Variants in CYB561A3 observed in about 807,000 individuals in gnomAD.
CYB561A3 encodes lysosomal membrane ascorbate-dependent ferrireductase CYB561A3.
Under a neutral mutation model 25.3 loss-of-function variants are expected in CYB561A3, and 16 were observed. That is an observed-to-expected ratio of 0.63 (90% CI 0.43 to 0.96). The LOEUF (loss-of-function observed/expected upper bound fraction) is 0.96, where lower values mean the gene tolerates loss of function less well. CYB561A3 is among the 40% of genes least tolerant of loss of function. The probability of loss-of-function intolerance (pLI) is 0.00; values close to 1 mark genes in which losing one functional copy is unlikely to be tolerated. For missense variants in CYB561A3, 219 were observed against 307.5 expected (o/e 0.71, Z 2.15); for synonymous variants, 131 against 129.9 (o/e 1.01, Z -0.06).
intron 1 of CYB561A3, chr11:61,359,778 T>G (rs762350336): frequency 6.6e-6 from 1 of 152,350 alleles, no homozygotes; most frequent in Admixed American, 6.5e-5. Flanking sequence ...CCCAGCACTT[T>G]GGGAGGCCCA....
At position 61,356,580 on chromosome 11, in the gene CYB561A3, T is replaced by A. The variant is rs1857662020; in HGVS notation, c.134A>T (p.Asn45Ile). 1 of 1,614,034 alleles carries A rather than the reference T, an allele frequency of 6.2e-7. No individual in the cohort carries two copies. The highest frequency in any genetic ancestry group is 1.3e-5 in the African/African-American group (1 of 74,906). Residue 45 changes from asparagine to isoleucine, a missense_variant, in exon 3 of 7, where the codon AAC becomes ATC. Physicochemically the swap from Asn to Ile is moderately radical, Grantham distance 149. Transcript: ENST00000294072. Reference sequence around the variant, plus strand: ...AGCAACCATAAGCACTGGGTGCCAGTTGAACATGTAGATGCTGCCATTCCA... The same window carrying A: ...AGCAACCATAAGCACTGGGTGCCAGATGAACATGTAGATGCTGCCATTCCA... ...FAWNGSIYMF[N>I]WHPVLMVAGM...
intron 6 of CYB561A3, 99 bp downstream of exon 6, chr11:61,350,884 GCTGTGCCA>G (rs1183607719): frequency 6.9e-7 from 1 of 1,456,040 alleles, no homozygotes; most frequent in African/African-American, 1.4e-5. Context: ...TTGGTTTCCT[GCTGTGCCA>G]CAGGGTAAGT....
chr11:61,351,412 C>G (rs1857404785), intron 5 of CYB561A3: 1 of 254,144 alleles, frequency 3.9e-6, no homozygotes, highest in African/African-American at 2.3e-5. Flanking sequence ...GCCTCAGCCT[C>G]CCAAGTAGCT....
chr11:61,356,445 T>C, intron 3 of CYB561A3, 85 bp downstream of exon 3: 1 of 1,324,246 alleles, frequency 7.6e-7, no homozygotes, highest in Non-Finnish European at 1.0e-6. Context: ...AGCCCAACAT[T>C]TACAAAGGCC....
chr11:61,350,891 C>T, intron 6 of CYB561A3, 100 bp downstream of exon 6: 2 of 1,475,742 alleles, frequency 1.4e-6, no homozygotes. Context: ...CCTGCTGTGC[C>T]ACAGGGTAAG....
chr11:61,353,090 A>G lies in CYB561A3; in HGVS notation c.443T>C (p.Leu148Pro). ...GTGGATAGGTTTTAGGAGGCTGCGC[A>G]GCCACATGGACGCCCAGGGCAGGAG... ...VFLLPWASMWLRSLLKPIHVF... is the reference protein window; with the variant it reads ...VFLLPWASMWPRSLLKPIHVF... The change falls in exon 5 of 7, where the codon CTG becomes CCG. Residue 148 changes from leucine (L) to proline (P), a missense_variant. Physicochemically the swap from Leu to Pro is moderately conservative, Grantham distance 98. Coordinates refer to ENST00000294072, the MANE Select transcript of CYB561A3 (RefSeq NM_153611.6). The G allele has an allele frequency of 6.2e-7, 1 of 1,613,816 alleles. No homozygotes were observed. The highest frequency in any genetic ancestry group is 8.5e-7 in the Non-Finnish European group (1 of 1,179,918).
intron 6 of CYB561A3, chr11:61,350,736 C>G: frequency 1.7e-6 from 1 of 599,414 alleles, no homozygotes. Context: ...CCACACTTCA[C>G]CCCACAGAAC....
chr11:61,352,694 C>T (rs1042519251), intron 5 of CYB561A3: 2 of 751,660 alleles, frequency 2.7e-6, no homozygotes, highest in African/African-American at 3.7e-5. Flanking sequence ...GCAATGACAA[C>T]AATACCAATC....
Position 61,349,906 on chromosome 11 carries a change from C to A in CYB561A3, c.*493G>T. On this transcript the variant is annotated 3_prime_UTR_variant, in exon 7 of 7. Coordinates refer to ENST00000294072, the MANE Select transcript of CYB561A3 (RefSeq NM_153611.6). ...GGAAGTGGACGGACACCTCACCTCC[C>A]TCATGTTTCACACCGTGGACTGCAC... 1 of 519,198 alleles carries A rather than the reference C, an allele frequency of 1.9e-6. No individual in the cohort carries two copies. The highest frequency in any genetic ancestry group is 3.4e-5 in the East Asian group (1 of 29,176). The allele number at this position is 519,198 out of a possible 1,614,324, so 32.2% of individuals were successfully genotyped here. A position where few individuals can be genotyped will look rare whatever the true frequency, so the allele number is the denominator to read the frequency against.
intron 3 of CYB561A3, among the ~76,000 whole-genome samples, chr11:61,355,032 C>A (rs994576380): frequency 8.5e-5 from 13 of 152,072 alleles, no homozygotes; most frequent in Non-Finnish European, 1.6e-4. Flanking sequence ...CCATACCCGG[C>A]TAATTTTTTG....
intron 4 of CYB561A3, 97 bp from the exon 5 acceptor site, chr11:61,353,236 C>T (rs566318163): frequency 7.7e-6 from 11 of 1,436,586 alleles, no homozygotes; most frequent in Non-Finnish European, 1.0e-5. Context: ...CTCCCTGGCT[C>T]TTCTTTCACA....
In CYB561A3 at chr11:61,353,111, A is replaced by G. The variant is rs1276406975; in HGVS notation, c.422T>C (p.Leu141Pro). ...QWFLGFAVFL[L>P]PWASMWLRSL... ...GCGCAGCCACATGGACGCCCAGGGC[A>G]GGAGGAAGACAGCAAAGCCCAGGAA... Residue 141 changes from leucine (L) to proline (P), a missense_variant, in exon 5 of 7, where the codon CTG becomes CCG. Leu to Pro is a moderately conservative substitution (Grantham distance 98). Coordinates refer to ENST00000294072, the MANE Select transcript of CYB561A3 (RefSeq NM_153611.6). 1 of 1,612,368 alleles carries G rather than the reference A, an allele frequency of 6.2e-7. No individual in the cohort carries two copies. Among genetic ancestry groups the G allele is most frequent in the East Asian group, 2.2e-5 (1 of 44,886 alleles).
intron 3 of CYB561A3, among the ~76,000 whole-genome samples, chr11:61,355,549 C>T (rs1442352609): frequency 1.3e-5 from 2 of 151,902 alleles, no homozygotes; most frequent in Admixed American, 6.6e-5. Context: ...GGCATGATGG[C>T]GGGCACCTAT....
Position 61,351,139 on chromosome 11 carries a change from G to A in CYB561A3, c.557C>T (p.Thr186Ile), listed in dbSNP as rs927904541. The A allele has an allele frequency of 9.3e-6, 15 of 1,607,548 alleles. No individual in the cohort carries two copies. The highest frequency in any genetic ancestry group is 1.3e-5 in the Non-Finnish European group (15 of 1,177,840). Residue 186 changes from threonine to isoleucine, a missense_variant, in exon 6 of 7, where the codon ACC becomes ATC. By Grantham distance (89) the Thr-to-Ile change is moderately conservative. Coordinates refer to ENST00000294072, the MANE Select transcript of CYB561A3 (RefSeq NM_153611.6). ...GGGCAGGCTGTGGTATGGCCTGGTG[G>A]TGTTTTTCCTGAAGATGACAAAACA... is the stretch of plus-strand genomic sequence containing the variant. ...NEKLFFSLKN[T>I]TRPYHSLPSE...
intron 4 of CYB561A3, 128 bp downstream of exon 4, chr11:61,353,656 A>G: frequency 1.9e-6 from 2 of 1,048,198 alleles, no homozygotes; most frequent in Non-Finnish European, 2.9e-6. Context: ...TGTCAGTTCT[A>G]CAAGATAACA....
In CYB561A3 at chr11:61,349,915, C is replaced by T; in HGVS notation, c.*484G>A. On this transcript the variant is annotated 3_prime_UTR_variant, in exon 7 of 7. Transcript: ENST00000294072. Reference sequence around the variant, plus strand: ...CGGACACCTCACCTCCCTCATGTTTCACACCGTGGACTGCACTTGAGTCCC... The same window carrying T: ...CGGACACCTCACCTCCCTCATGTTTTACACCGTGGACTGCACTTGAGTCCC... 1 of 509,464 alleles carries T rather than the reference C, an allele frequency of 2.0e-6. No individual in the cohort carries two copies. The highest frequency in any genetic ancestry group is 1.9e-5 in the African/African-American group (1 of 52,040). The allele number at this position is 509,464 out of a possible 1,614,324, so 31.6% of individuals were successfully genotyped here. A position where few individuals can be genotyped will look rare whatever the true frequency, so the allele number is the denominator to read the frequency against.
Position 61,349,760 on chromosome 11 carries a change from C to T in CYB561A3, c.*639G>A. 3.0e-6 allele frequency: 2 copies of T among 658,026 alleles called. No individual in the cohort carries two copies. The highest frequency in any genetic ancestry group is 5.6e-6 in the Non-Finnish European group (2 of 358,612). 40.8% of individuals were successfully genotyped at this position (658,026 alleles called of 1,614,324 possible). On this transcript the variant is annotated 3_prime_UTR_variant, in exon 7 of 7. Coordinates refer to ENST00000294072, the MANE Select transcript of CYB561A3 (RefSeq NM_153611.6). Reference sequence around the variant, plus strand: ...GAAGCTGCGTGGGCCGCCACTCCCCCTTTCTGCAATCACCCCATGATGTCT... The same window carrying T: ...GAAGCTGCGTGGGCCGCCACTCCCCTTTTCTGCAATCACCCCATGATGTCT...
chr11:61,357,220 C>T, intron 2 of CYB561A3: 13 of 1,551,430 alleles, frequency 8.4e-6, no homozygotes, highest in Non-Finnish European at 1.1e-5. Context: ...AGGAAGGAGT[C>T]AGAAAAGTTC....
At position 61,357,305 on chromosome 11, in the gene CYB561A3, T is replaced by G. The variant is rs117965894; in HGVS notation, c.-16+428A>C. 7.1e-3 allele frequency: 10,034 copies of G among 1,413,864 alleles called. 131 individuals are homozygous for G. The highest frequency in any genetic ancestry group is 0.057 in the African/African-American group (3,973 of 69,550). The allele number at this position is 1,413,864 out of a possible 1,614,324, so 87.6% of individuals were successfully genotyped here. ...CAGGCCTTCACTCCACTGCCCACAC[T>G]CCACACCTTGAACCAGCTGATGCCC... On this transcript the variant is annotated intron_variant, in intron 2 of 6. Transcript: ENST00000294072.
Sources: gnomAD v4.1 joint callset for allele counts (sites outside exome capture counted in the v4.1 genomes callset) on GRCh38, gnomAD v4.1.1 for gene constraint, MANE v1.5 for transcripts, NCBI Gene and HGNC (gene_info 2026-07-23, HGNC 2026-07-21) for gene names.